SLC17A4: variants seen among roughly 807,000 people sequenced by gnomAD.
The protein encoded by SLC17A4 is probable small intestine urate exporter.
SLC17A4 carries 33 observed loss-of-function variants against 52.5 expected under a neutral mutation model. The observed-to-expected ratio is 0.63, with a 90% CI of 0.48 to 0.84. The LOEUF (loss-of-function observed/expected upper bound fraction) is 0.84, where lower values mean the gene tolerates loss of function less well. Ranked by LOEUF, SLC17A4 falls within the 40% of genes least tolerant of loss-of-function variation. The probability of loss-of-function intolerance (pLI) is 0.00; values close to 1 mark genes in which losing one functional copy is unlikely to be tolerated. For missense variants in SLC17A4, 585 were observed against 597.1 expected (o/e 0.98, Z 0.21); for synonymous variants, 225 against 216.2 (o/e 1.04, Z -0.36).
In SLC17A4 at chr6:25,761,847, G is replaced by C. The variant is rs1238203527; in HGVS notation, c.-36-80G>C. ...CCACTTTTCTTATACAGCAACATTT[G>C]CTCCTAGTTCTTAGAAAGAATTGGG... is the stretch of plus-strand genomic sequence containing the variant. On this transcript the variant is annotated intron_variant, in intron 1 of 11. Coordinates refer to ENST00000377905, the MANE Select transcript of SLC17A4 (RefSeq NM_005495.3). The C allele has an allele frequency of 5.3e-6, 4 of 757,950 alleles. No homozygotes were observed. In the East Asian group the frequency reaches 1.1e-4, roughly 21 times the overall value. The allele number at this position is 757,950 out of a possible 1,614,324, so 47.0% of individuals were successfully genotyped here. A position where few individuals can be genotyped will look rare whatever the true frequency, so the allele number is the denominator to read the frequency against.
At chr6:25,777,563 A>T (rs1763027592) in intron 10 of SLC17A4, 2 of 103,084 alleles carry the variant, frequency 1.9e-5, no homozygotes. Context: ...AGCAGAAGCC[A>T]AAACAACAAC....
At chr6:25,767,564 T>C (rs1455121926) in intron 2 of SLC17A4, among the ~76,000 whole-genome samples, 1 of 152,164 alleles carries the variant, frequency 6.6e-6, no homozygotes, top group East Asian at 1.9e-4. Context: ...AGGATTAAAA[T>C]ACATTTTATA....
chr6:25,767,195 T>C (rs1762093299), intron 2 of SLC17A4, among the ~76,000 whole-genome samples: 2 of 152,084 alleles, frequency 1.3e-5, no homozygotes, highest in South Asian at 4.1e-4. Context: ...ACAAAGCTAG[T>C]ATAGCAAAAA....
In SLC17A4 at chr6:25,770,480, T is replaced by A. The variant is rs1762391857; in HGVS notation, c.619+9T>A. On this transcript the variant is annotated intron_variant, in intron 5 of 11. Transcript: ENST00000377905. ...CACCATTGCTGGATCAGGTAACTGG[T>A]ACCCTAAACCTCACTTTACATGCAC... The A allele has an allele frequency of 8.1e-6, 13 of 1,613,214 alleles. No individual in the cohort carries two copies. Among genetic ancestry groups the A allele is most frequent in the Non-Finnish European group, 1.1e-5 (13 of 1,179,322 alleles).
chr6:25,771,467 G>A (rs1237045668), intron 6 of SLC17A4, among the ~76,000 whole-genome samples: 3 of 151,924 alleles, frequency 2.0e-5, no homozygotes, highest in Non-Finnish European at 4.4e-5. Flanking sequence ...CCAGCTACTC[G>A]GGAGGCTGAG....
chr6:25,778,752 A>G (rs1259760392), intron 11 of SLC17A4, among the ~76,000 whole-genome samples: 2 of 152,358 alleles, frequency 1.3e-5, no homozygotes, highest in East Asian at 3.9e-4. Flanking sequence ...TCTAACTACA[A>G]TGATCAAGGA....
At chr6:25,758,452 A>G (rs1761217171) in intron 1 of SLC17A4, among the ~76,000 whole-genome samples, 3 of 152,228 alleles carry the variant, frequency 2.0e-5, no homozygotes, top group Admixed American at 6.5e-5. Flanking sequence ...CAATGCCTGC[A>G]TGGCCGTTCC....
chr6:25,762,686 TTGTC>T (rs1344224073), intron 2 of SLC17A4, among the ~76,000 whole-genome samples: 4 of 152,180 alleles, frequency 2.6e-5, no homozygotes, highest in African/African-American at 9.6e-5. Flanking sequence ...TTTAGCCAGT[TTGTC>T]TGTTAAGAAT....
chr6:25,772,715 T>G (rs1248499584), intron 6 of SLC17A4, among the ~76,000 whole-genome samples: 2 of 152,146 alleles, frequency 1.3e-5, no homozygotes, highest in Non-Finnish European at 2.9e-5. Flanking sequence ...ATGGAAAGGT[T>G]TAATGATGAA....
intron 8 of SLC17A4, among the ~76,000 whole-genome samples, chr6:25,774,410 C>T (rs1561811272): frequency 2.0e-5 from 3 of 152,162 alleles, no homozygotes; most frequent in South Asian, 2.1e-4. Flanking sequence ...GAAGCCTTCT[C>T]GTATTGATTG....
intron 8 of SLC17A4, among the ~76,000 whole-genome samples, chr6:25,775,280 C>T (rs112252787): frequency 0.019 from 2,789 of 150,752 alleles, 101 homozygotes; most frequent in African/African-American, 0.062. Context: ...TTCAGTGAGC[C>T]GAGATTATGA....
intron 1 of SLC17A4, among the ~76,000 whole-genome samples, chr6:25,755,188 A>G (rs1321011846): frequency 3.3e-5 from 5 of 152,172 alleles, no homozygotes; most frequent in Non-Finnish European, 5.9e-5. Context: ...CCACAGTGAG[A>G]CAATAAATGC....
intron 11 of SLC17A4, 30 bp from the exon 12 acceptor site, chr6:25,779,024 C>T (rs755495598): frequency 3.1e-6 from 5 of 1,611,846 alleles, no homozygotes; most frequent in South Asian, 1.1e-5. Flanking sequence ...ATTGGGTGAC[C>T]GTTAATAACT....
At chr6:25,772,928 G>A (rs1762598454) in intron 6 of SLC17A4, among the ~76,000 whole-genome samples, 1 of 152,188 alleles carries the variant, frequency 6.6e-6, no homozygotes, top group Non-Finnish European at 1.5e-5. Context: ...GGACAGCTGG[G>A]TGGCTCCACT....
chr6:25,768,394 G>C, intron 2 of SLC17A4: 1 of 987,522 alleles, frequency 1.0e-6, no homozygotes, highest in African/African-American at 1.7e-5. Flanking sequence ...CTCAACCACA[G>C]GGATATCCCC....
At position 25,779,382 on chromosome 6, in the gene SLC17A4, A is replaced by G. The variant is rs1425598492; in HGVS notation, c.*194A>G. The G allele has an allele frequency of 1.6e-6, 1 of 625,058 alleles. No homozygotes were observed. Among genetic ancestry groups the G allele is most frequent in the African/African-American group, 1.9e-5 (1 of 53,576 alleles). 38.7% of individuals were successfully genotyped at this position (625,058 alleles called of 1,614,324 possible). A position where few individuals can be genotyped will look rare whatever the true frequency, so the allele number is the denominator to read the frequency against. On this transcript the variant is annotated 3_prime_UTR_variant, in exon 12 of 12. Coordinates refer to ENST00000377905, the MANE Select transcript of SLC17A4 (RefSeq NM_005495.3). ...AGTTATTTAACTGCAAGCTACTAAA[A>G]GCATAGGTGTGTTGAGATTTCTGTG...
At chr6:25,777,779 A>T in intron 10 of SLC17A4, 147 bp from the exon 11 acceptor site, 1 of 626,204 alleles carries the variant, frequency 1.6e-6, no homozygotes, top group Non-Finnish European at 2.9e-6. Flanking sequence ...AATTCCAGTC[A>T]TCTCCAGAGG....
At chr6:25,777,843 A>G in intron 10 of SLC17A4, 83 bp from the exon 11 acceptor site, 2 of 1,116,272 alleles carry the variant, frequency 1.8e-6, no homozygotes, top group Non-Finnish European at 2.7e-6. Flanking sequence ...TTGCACAGGA[A>G]TATTTGCCTC....
chr6:25,776,952 G>T lies in SLC17A4; in HGVS notation c.1261G>T (p.Ala421Ser). Residue 421 changes from alanine (A) to serine (S), a missense_variant, in exon 10 of 12, where the codon GCT becomes TCT. Coordinates refer to ENST00000377905, the MANE Select transcript of SLC17A4 (RefSeq NM_005495.3). ...AGCCCTTGTTAACTTCTTGGATATT[G>T]CTCCTCGGTAGGGACCTCTTTTGCC... ...SGALVNFLDI[A>S]PRYTGFLKGL... 1 of 1,611,774 alleles carries T rather than the reference G, an allele frequency of 6.2e-7. No homozygotes were observed. The highest frequency in any genetic ancestry group is 8.5e-7 in the Non-Finnish European group (1 of 1,178,660).
Sources: gnomAD v4.1 joint callset for allele counts (sites outside exome capture counted in the v4.1 genomes callset) on GRCh38, gnomAD v4.1.1 for gene constraint, MANE v1.5 for transcripts, NCBI Gene and HGNC (gene_info 2026-07-23, HGNC 2026-07-21) for gene names.